The following NEMP2 variants were observed in gnomAD, a reference collection of about 807,000 sequenced individuals.
The protein encoded by NEMP2 is UPF0571 transmembrane protein.
In NEMP2, 53 loss-of-function variants were observed where a neutral mutation model predicts 54.2. The ratio of observed to expected loss-of-function variants is 0.98; its 90% CI spans 0.78 to 1.23. The LOEUF is 1.23. Among genes scored for constraint, NEMP2 ranks in the 50% most tolerant of loss-of-function variants. The pLI is 0.00. For missense variants in NEMP2, 455 were observed against 511.3 expected, an observed-to-expected ratio of 0.89 and a Z score of 1.06; for synonymous variants, 197 against 190.3, an observed-to-expected ratio of 1.04 and a Z score of -0.29.
In NEMP2 at chr2:190,525,528, C is replaced by G; in HGVS notation, c.98-150G>C. 1 of 531,670 alleles carries G rather than the reference C, an allele frequency of 1.9e-6. No individual in the cohort carries two copies. The allele number at this position is 531,670 out of a possible 1,614,324, so 32.9% of individuals were successfully genotyped here. A position where few individuals can be genotyped will look rare whatever the true frequency, so the allele number is the denominator to read the frequency against. On this transcript the variant is annotated intron_variant, in intron 1 of 8. Coordinates refer to ENST00000409150, the MANE Select transcript of NEMP2 (RefSeq NM_001142645.2). This position sits in a 1 kb window ranked among gnomAD's most constrained non-coding sequence, Gnocchi z 5.0. ...TGATAATTATAGTCCTTCAGTGTTTCCAACCAAGGAGGAGACAGATAGAAA... is the reference window on the plus strand; with the variant it reads ...TGATAATTATAGTCCTTCAGTGTTTGCAACCAAGGAGGAGACAGATAGAAA...
chr2:190,557,924 A>T, the NEMP2 span, among the ~76,000 whole-genome samples: 1 of 152,200 alleles, frequency 6.6e-6, no homozygotes, highest in African/African-American at 2.4e-5. Context: ...GTGATTCCTG[A>T]AGGACCTAGA....
chr2:190,615,588 A>G, the NEMP2 span, among the ~76,000 whole-genome samples: 1 of 152,128 alleles, frequency 6.6e-6, no homozygotes, highest in African/African-American at 2.4e-5. The surrounding 1 kb of genome is among the most constrained non-coding windows in gnomAD (Gnocchi z 4.7). Flanking sequence ...TGATTGATAA[A>G]TCACTGGCCA....
chr2:190,628,949 A>G, the NEMP2 span, among the ~76,000 whole-genome samples: 1 of 152,192 alleles, frequency 6.6e-6, no homozygotes, highest in African/African-American at 2.4e-5. This position sits in a 1 kb window ranked among gnomAD's most constrained non-coding sequence, Gnocchi z 4.1. Context: ...CACAATCATA[A>G]TTCTTTCATT....
chr2:190,593,054 T>C, the NEMP2 span, among the ~76,000 whole-genome samples: 1 of 152,174 alleles, frequency 6.6e-6, no homozygotes, highest in Admixed American at 6.5e-5. The surrounding 1 kb of genome is among the most constrained non-coding windows in gnomAD (Gnocchi z 4.5). Context: ...GGTATGGCCA[T>C]AAGGCTCCTG....
At chr2:190,435,753 T>C in the NEMP2 span, 25 of 345,266 alleles carry the variant, frequency 7.2e-5, no homozygotes, top group Admixed American at 1.0e-3. Flanking sequence ...AAACCTGCCA[T>C]TGGAAGATGT....
the NEMP2 span, among the ~76,000 whole-genome samples, chr2:190,592,740 C>T: frequency 3.3e-5 from 5 of 152,134 alleles, no homozygotes; most frequent in East Asian, 5.8e-4. This position sits in a 1 kb window ranked among gnomAD's most constrained non-coding sequence, Gnocchi z 4.4. Flanking sequence ...TATACTGCAA[C>T]CAGATGAGAA....
the NEMP2 span, among the ~76,000 whole-genome samples, chr2:190,464,235 T>C: frequency 6.6e-6 from 1 of 152,172 alleles, no homozygotes; most frequent in African/African-American, 2.4e-5. Flanking sequence ...TAAAAAACAA[T>C]CTTCATCTGG....
At chr2:190,587,851 C>T in the NEMP2 span, among the ~76,000 whole-genome samples, 1 of 152,130 alleles carries the variant, frequency 6.6e-6, no homozygotes, top group African/African-American at 2.4e-5. This position sits in a 1 kb window ranked among gnomAD's most constrained non-coding sequence, Gnocchi z 5.4. Context: ...GGTGAGGGAA[C>T]TTCCTCACCA....
the NEMP2 span, among the ~76,000 whole-genome samples, chr2:190,435,101 G>C: frequency 6.6e-6 from 1 of 152,174 alleles, no homozygotes; most frequent in Non-Finnish European, 1.5e-5. Flanking sequence ...TATCTTCCAT[G>C]AAACCAGTCC....
At chr2:190,483,696 G>A in the NEMP2 span, among the ~76,000 whole-genome samples, 1,319 of 152,082 alleles carry the variant, frequency 8.7e-3, 13 homozygotes, top group African/African-American at 0.028. Context: ...TTAGCTGGGC[G>A]TGGTGGCACA....
the NEMP2 span, among the ~76,000 whole-genome samples, chr2:190,541,157 AC>A: frequency 1.2e-3 from 173 of 145,428 alleles, no homozygotes; most frequent in African/African-American, 4.2e-3. The surrounding 1 kb of genome is among the most constrained non-coding windows in gnomAD (Gnocchi z 5.2). Flanking sequence ...TTTCAAAAAA[AC>A]AATTTCATTT....
At chr2:190,643,408 T>C in the NEMP2 span, among the ~76,000 whole-genome samples, 1 of 152,190 alleles carries the variant, frequency 6.6e-6, no homozygotes, top group Non-Finnish European at 1.5e-5. Context: ...CCTCCAGCAC[T>C]GACTTGGCTG....
the NEMP2 span, among the ~76,000 whole-genome samples, chr2:190,426,792 T>C: frequency 2.0e-5 from 3 of 152,138 alleles, no homozygotes; most frequent in African/African-American, 7.3e-5. This position sits in a 1 kb window ranked among gnomAD's most constrained non-coding sequence, Gnocchi z 4.7. Context: ...TGATTTTTTA[T>C]TGAAAGCAAG....
the NEMP2 span, among the ~76,000 whole-genome samples, chr2:190,488,282 A>G: frequency 7.8e-4 from 119 of 152,376 alleles, no homozygotes; most frequent in Middle Eastern, 3.4e-3. The surrounding 1 kb of genome is among the most constrained non-coding windows in gnomAD (Gnocchi z 6.4). Context: ...AGAAGGAAAC[A>G]ACAAATGTCT....
chr2:190,597,430 A>G, the NEMP2 span, among the ~76,000 whole-genome samples: 1 of 152,146 alleles, frequency 6.6e-6, no homozygotes, highest in African/African-American at 2.4e-5. This position sits in a 1 kb window ranked among gnomAD's most constrained non-coding sequence, Gnocchi z 4.7. Flanking sequence ...GAGCTTGTGA[A>G]TAATAAAGAC....
the NEMP2 span, among the ~76,000 whole-genome samples, chr2:190,574,532 C>G: frequency 6.8e-6 from 1 of 147,160 alleles, no homozygotes; most frequent in Non-Finnish European, 1.5e-5. Context: ...TTAATATATT[C>G]ACAGAGTTGT....
the NEMP2 span, chr2:190,436,897 G>A: frequency 6.2e-7 from 1 of 1,614,168 alleles, no homozygotes; most frequent in Non-Finnish European, 8.5e-7. The surrounding 1 kb of genome is among the most constrained non-coding windows in gnomAD (Gnocchi z 5.3). Context: ...TATATTCTTG[G>A]TGATCTTGGT....
chr2:190,506,636 T>C lies in NEMP2; in HGVS notation c.*2553A>G, dbSNP rs1000170866. The C allele has an allele frequency of 5.9e-5, 9 of 152,194 alleles. No homozygotes were observed. Among genetic ancestry groups the C allele is most frequent in the Admixed American group, 3.9e-4 (6 of 15,280 alleles). 9.4% of individuals were successfully genotyped at this position (152,194 alleles called of 1,614,324 possible). A position where few individuals can be genotyped will look rare whatever the true frequency, so the allele number is the denominator to read the frequency against. ...ATTACTGGCAAACCATACAACTAAT[T>C]CACAAAGCATTTTTTGTGATATGTA... is the stretch of plus-strand genomic sequence containing the variant. On this transcript the variant is annotated 3_prime_UTR_variant, in exon 9 of 9. Coordinates refer to ENST00000409150, the MANE Select transcript of NEMP2 (RefSeq NM_001142645.2). The surrounding 1 kb of genome is among the most constrained non-coding windows in gnomAD (Gnocchi z 6.3).
chr2:190,421,509 CA>C, the NEMP2 span, among the ~76,000 whole-genome samples: 3 of 151,574 alleles, frequency 2.0e-5, no homozygotes, highest in Non-Finnish European at 4.4e-5. Flanking sequence ...CAAACCAAAA[CA>C]AAAAAACAGA....
Sources: gnomAD v4.1 joint callset for allele counts (sites outside exome capture counted in the v4.1 genomes callset) on GRCh38, gnomAD v4.1.1 for gene constraint, Gnocchi (gnomAD v3.1) non-coding constraint, MANE v1.5 for transcripts, NCBI Gene and HGNC (gene_info 2026-07-23, HGNC 2026-07-21) for gene names.